The following COL4A2 variants were observed in gnomAD, a reference collection of about 807,000 sequenced individuals.
COL4A2 encodes collagen alpha-2(IV) chain.
A neutral mutation model predicts 200.2 loss-of-function variants in COL4A2; 99 were observed. The ratio of observed to expected loss-of-function variants is 0.49; its 90% CI spans 0.42 to 0.58. The LOEUF (loss-of-function observed/expected upper bound fraction) is 0.58. COL4A2 is among the 20% of genes least tolerant of loss of function. The probability of loss-of-function intolerance (pLI) is 0.00; values close to 1 mark genes in which losing one functional copy is unlikely to be tolerated. For missense variants in COL4A2, 1,950 were observed against 2,314.1 expected, an observed-to-expected ratio of 0.84 and a Z score of 3.23; for synonymous variants, 897 against 900.6, an observed-to-expected ratio of 1.00 and a Z score of 0.07.
rs1594206791 is a variant in COL4A2, at chr13:110,425,014, A to C, written c.360+17A>C. 14 of 1,613,760 alleles carry C rather than the reference A, an allele frequency of 8.7e-6. No homozygotes were observed. The highest frequency in any genetic ancestry group is 4.0e-5 in the African/African-American group (3 of 74,928). ...GGAATTCCTGTAAGTTTTATGGAAG[A>C]CTGGAATTTTAAAACATTGCGTGCA... On this transcript the variant is annotated intron_variant, in intron 6 of 47. Transcript: ENST00000360467.
At chr13:110,504,109 G>A in intron 44 of COL4A2, 39 bp from the exon 45 acceptor site, 1 of 1,604,048 alleles carries the variant, frequency 6.2e-7, no homozygotes, top group Non-Finnish European at 8.5e-7. Flanking sequence ...GCCAGGCGTG[G>A]TCAGTTTCCA....
chr13:110,402,484 T>C (rs1490212158), intron 4 of COL4A2, among the ~76,000 whole-genome samples: 1 of 152,198 alleles, frequency 6.6e-6, no homozygotes, highest in Non-Finnish European at 1.5e-5. Flanking sequence ...TCCTTGAGTC[T>C]CGGGGCAGCC....
chr13:110,478,280 G>T, intron 30 of COL4A2, 116 bp downstream of exon 30: 17 of 1,052,064 alleles, frequency 1.6e-5, no homozygotes, highest in Non-Finnish European at 2.2e-5. Context: ...CTTAAGAGGT[G>T]CAGGGGTTCC....
At chr13:110,335,960 C>T (rs1025771354) in intron 3 of COL4A2, among the ~76,000 whole-genome samples, 1 of 152,198 alleles carries the variant, frequency 6.6e-6, no homozygotes, top group Non-Finnish European at 1.5e-5. Flanking sequence ...AGAAGACTCT[C>T]GTGGGCTTCT....
At chr13:110,316,848 T>C (rs530173087) in intron 3 of COL4A2, among the ~76,000 whole-genome samples, 17 of 152,150 alleles carry the variant, frequency 1.1e-4, no homozygotes, top group Admixed American at 2.6e-4. Context: ...CCACAGAATA[T>C]ATATACACGT....
chr13:110,498,560 C>T (rs1365098373), intron 40 of COL4A2, among the ~76,000 whole-genome samples: 1 of 152,140 alleles, frequency 6.6e-6, no homozygotes, highest in Non-Finnish European at 1.5e-5. Context: ...ATGTTCAGGC[C>T]CTGTACTTGA....
chr13:110,482,439 T>C lies in COL4A2; in HGVS notation c.2759-77T>C, dbSNP rs1594100622. Reference sequence around the variant, plus strand: ...TCACTTGAGTTACATTGCCGAAATGTTACGGAGACGTGAGACTGAAATGTC... The same window carrying C: ...TCACTTGAGTTACATTGCCGAAATGCTACGGAGACGTGAGACTGAAATGTC... On this transcript the variant is annotated intron_variant, in intron 31 of 47. Coordinates refer to ENST00000360467, the MANE Select transcript of COL4A2 (RefSeq NM_001846.4). 1.3e-5 allele frequency: 20 copies of C among 1,489,184 alleles called. No individual in the cohort carries two copies. The East Asian group carries it at 4.6e-4, about 34-fold the overall frequency. The allele number at this position is 1,489,184 out of a possible 1,614,324, so 92.2% of individuals were successfully genotyped here.
Position 110,457,828 on chromosome 13 carries a change from C to T in COL4A2, c.1432+393C>T, listed in dbSNP as rs751476184. 524 of 470,288 alleles carry T rather than the reference C, an allele frequency of 1.1e-3. 3 individuals carry two copies. Among genetic ancestry groups the T allele is most frequent in the Middle Eastern group, 9.1e-3 (21 of 2,302 alleles). 29.1% of individuals were successfully genotyped at this position (470,288 alleles called of 1,614,324 possible). A position where few individuals can be genotyped will look rare whatever the true frequency, so the allele number is the denominator to read the frequency against. ...GGTCTGTAGAGAGCTCTGTCCATAG[C>T]AAGGTGCTGGTATAGTCACCATCCC... is the stretch of plus-strand genomic sequence containing the variant. On this transcript the variant is annotated intron_variant, in intron 21 of 47. Transcript: ENST00000360467.
In COL4A2 at chr13:110,472,668, G is replaced by A. The variant is rs7337139; in HGVS notation, c.2204-261G>A. 0.028 allele frequency among the ~76,000 whole-genome samples: 4,283 copies of A among 152,184 alleles called. 76 individuals carry two copies. Among genetic ancestry groups the A allele is most frequent in the South Asian group, 0.047 (229 of 4,830 alleles). ...TATGCAAATCGAGGTCCAAGGAGGC[G>A]TTGTTGGCTTGTCCACCTTCACTCA... On this transcript the variant is annotated intron_variant, in intron 28 of 47. Transcript: ENST00000360467.
intron 4 of COL4A2, among the ~76,000 whole-genome samples, chr13:110,391,439 G>T (rs764033709): frequency 1.3e-5 from 2 of 152,204 alleles, no homozygotes; most frequent in Non-Finnish European, 2.9e-5. Context: ...CCCTGCTGTT[G>T]CCAGTGTAAA....
intron 4 of COL4A2, among the ~76,000 whole-genome samples, chr13:110,372,058 C>A (rs904793801): frequency 6.6e-6 from 1 of 152,168 alleles, no homozygotes; most frequent in Admixed American, 6.5e-5. Flanking sequence ...ACATCCCACT[C>A]AGGGGGTTTC....
intron 4 of COL4A2, among the ~76,000 whole-genome samples, chr13:110,373,915 G>A (rs1261833935): frequency 2.0e-5 from 3 of 152,228 alleles, no homozygotes; most frequent in Non-Finnish European, 4.4e-5. Context: ...GGCTCTTCAA[G>A]GATATAATGC....
chr13:110,462,146 C>T lies in COL4A2; in HGVS notation c.1629C>T (p.Pro543=). The part of the protein sequence containing the change: ...GVPGNIGAPG[P]KGAKGDSRTI... ...CTGGCAACATTGGTGCTCCCGGACC[C>T]AAAGGAGCAAAAGGAGATTCCAGAA... The change falls in exon 23 of 48, where the codon CCC becomes CCT. Residue 543 remains proline (P), a synonymous_variant. Coordinates refer to ENST00000360467, the MANE Select transcript of COL4A2 (RefSeq NM_001846.4). 1 of 1,614,246 alleles carries T rather than the reference C, an allele frequency of 6.2e-7. No homozygotes were observed. Among genetic ancestry groups the T allele is most frequent in the Non-Finnish European group, 8.5e-7 (1 of 1,180,052 alleles).
Position 110,378,087 on chromosome 13 carries a change from G to A in COL4A2, c.180+20535G>A, listed in dbSNP as rs147821399. On this transcript the variant is annotated intron_variant, in intron 4 of 47. Coordinates refer to ENST00000360467, the MANE Select transcript of COL4A2 (RefSeq NM_001846.4). ...TTTTGGCAAAAGGAATAGCCCAGGC[G>A]TCTCGAATCGAGATGTAATGTGAAA... Among the ~76,000 whole-genome samples the A allele has an allele frequency of 4.8e-3, 725 of 152,308 alleles. 2 individuals are homozygous for A. Among genetic ancestry groups the A allele is most frequent in the African/African-American group, 0.016 (652 of 41,564 alleles).
chr13:110,500,646 CTTAGTGAA>C (rs779837424), intron 40 of COL4A2, among the ~76,000 whole-genome samples: 9 of 152,334 alleles, frequency 5.9e-5, no homozygotes, highest in South Asian at 2.1e-4. Flanking sequence ...AGAACACTGA[CTTAGTGAA>C]TACTGAACCA....
chr13:110,355,355 TG>T lies in COL4A2; in HGVS notation c.100-2112del, dbSNP rs1369153089. The stretch of plus-strand genomic sequence containing the variant: ...GGCTGCACTAGCTCACCTGTGTGTG[TG>T]GGGGAGGGCTGCACTAGCTCACCTG... On this transcript the variant is annotated intron_variant, in intron 3 of 47. Transcript: ENST00000360467. Among the ~76,000 whole-genome samples, 40 of 83,902 alleles carry T rather than the reference TG, an allele frequency of 4.8e-4. 6 individuals carry two copies. Among genetic ancestry groups the T allele is most frequent in the African/African-American group, 3.6e-3 (33 of 9,290 alleles). 55.0% of individuals were successfully genotyped at this position (83,902 alleles called of 152,430 possible). A position where few individuals can be genotyped will look rare whatever the true frequency, so the allele number is the denominator to read the frequency against.
intron 20 of COL4A2, among the ~76,000 whole-genome samples, chr13:110,451,578 C>T (rs570056636): frequency 6.6e-6 from 1 of 152,230 alleles, no homozygotes; most frequent in Admixed American, 6.5e-5. Context: ...GGGGAAAAGC[C>T]CCTTATAAAA....
intron 47 of COL4A2, among the ~76,000 whole-genome samples, chr13:110,510,944 T>C (rs2139563410): frequency 6.6e-6 from 1 of 152,338 alleles, no homozygotes; most frequent in South Asian, 2.1e-4. Flanking sequence ...GCTTCTGCCT[T>C]ATGTGAGCAG....
At chr13:110,506,257 ACTCTCTCTCTCTCT>A (rs10558706) in intron 45 of COL4A2, among the ~76,000 whole-genome samples, 144 bp from the exon 46 acceptor site, 4 of 117,440 alleles carry the variant, frequency 3.4e-5, no homozygotes, top group African/African-American at 1.4e-4. Context: ...CAGGCCGTCC[ACTCTCTCTCTCTCT>A]CTCTCTCTCG....
Sources: gnomAD v4.1 joint callset for allele counts (sites outside exome capture counted in the v4.1 genomes callset) on GRCh38, gnomAD v4.1.1 for gene constraint, MANE v1.5 for transcripts, NCBI Gene and HGNC (gene_info 2026-07-23, HGNC 2026-07-21) for gene names.